Variants in DMBT1 observed in about 807,000 individuals in gnomAD.
DMBT1 encodes scavenger receptor cysteine-rich domain-containing protein DMBT1.
Under a neutral mutation model 252.9 loss-of-function variants are expected in DMBT1, and 198 were observed. That is an observed-to-expected ratio of 0.78 (90% CI 0.70 to 0.88). The LOEUF (loss-of-function observed/expected upper bound fraction) is 0.88, where lower values mean the gene tolerates loss of function less well. DMBT1 is among the 40% of genes least tolerant of loss of function. The probability of loss-of-function intolerance (pLI) is 0.00; values close to 1 mark genes in which losing one functional copy is unlikely to be tolerated. For synonymous variants in DMBT1, 990 were observed against 942.7 expected (o/e 1.05, Z -0.92); for missense variants, 2,432 against 2,404.7 (o/e 1.01, Z -0.24).
chr10:122,567,851 T>C (rs919397796), intron 2 of DMBT1, among the ~76,000 whole-genome samples: 2 of 152,200 alleles, frequency 1.3e-5, no homozygotes, highest in East Asian at 3.9e-4. Context: ...CTGATGGGAC[T>C]GGAGAGTGTA....
intron 42 of DMBT1, 146 bp from the exon 43 acceptor site, chr10:122,620,107 G>C: frequency 1.2e-6 from 1 of 812,296 alleles, no homozygotes; most frequent in Non-Finnish European, 2.1e-6. Context: ...TGCTCACTGA[G>C]CTGAAGACTT....
At chr10:122,641,851 A>T (rs1482710806) in intron 55 of DMBT1, among the ~76,000 whole-genome samples, 5 of 152,146 alleles carry the variant, frequency 3.3e-5, no homozygotes, top group Non-Finnish European at 7.4e-5. Flanking sequence ...CATCAACAAG[A>T]TCATCCACCT....
intron 6 of DMBT1, among the ~76,000 whole-genome samples, chr10:122,574,666 G>A (rs2097696125): frequency 6.6e-6 from 1 of 152,198 alleles, no homozygotes; most frequent in Non-Finnish European, 1.5e-5. Flanking sequence ...CTTATTTGCA[G>A]CAGCTATAAG....
chr10:122,625,060 C>A (rs887791785), intron 44 of DMBT1, among the ~76,000 whole-genome samples: 1 of 152,182 alleles, frequency 6.6e-6, no homozygotes, highest in African/African-American at 2.4e-5. Flanking sequence ...GTTCCTATAG[C>A]AAACAAGGGT....
intron 26 of DMBT1, 40 bp from the exon 27 acceptor site, chr10:122,600,024 G>C (rs1366405093): frequency 6.2e-7 from 1 of 1,607,312 alleles, no homozygotes; most frequent in African/African-American, 1.4e-5. Context: ...CGACTTCTGT[G>C]TAATGTTCCT....
chr10:122,630,097 T>A, intron 47 of DMBT1, 104 bp downstream of exon 47: 3 of 1,512,062 alleles, frequency 2.0e-6, no homozygotes, highest in South Asian at 2.5e-5. Context: ...TCATGTGCCA[T>A]GGACAAGCTT....
chr10:122,570,883 C>G lies in DMBT1; in HGVS notation c.140-7C>G, dbSNP rs765418970. 5.6e-6 allele frequency: 9 copies of G among 1,613,234 alleles called. No individual in the cohort carries two copies. The highest frequency in any genetic ancestry group is 4.2e-6 in the Non-Finnish European group (5 of 1,179,200). The stretch of plus-strand genomic sequence containing the variant: ...ATCAATGAGCTCTTCCTTTCTCCAC[C>G]CTGCAGGTTCTCCATTTCCCTCGGA... On this transcript the variant is annotated splice_region_variant and splice_polypyrimidine_tract_variant and intron_variant, in intron 3 of 55. Transcript: ENST00000338354.
At chr10:122,599,985 C>T in intron 26 of DMBT1, 79 bp from the exon 27 acceptor site, 2 of 1,564,242 alleles carry the variant, frequency 1.3e-6, no homozygotes, top group Non-Finnish European at 1.8e-6. Context: ...CAGACTCGCC[C>T]ATTTCTTTCC....
At chr10:122,587,234 G>A (rs761301674) in intron 16 of DMBT1, among the ~76,000 whole-genome samples, 4 of 148,466 alleles carry the variant, frequency 2.7e-5, no homozygotes, top group African/African-American at 7.3e-5. Flanking sequence ...AGGGAGGGAC[G>A]GTCTGACTGG....
intron 50 of DMBT1, among the ~76,000 whole-genome samples, chr10:122,632,549 A>AC (rs1277065110): frequency 6.6e-6 from 1 of 151,604 alleles, no homozygotes; most frequent in Non-Finnish European, 1.5e-5. Flanking sequence ...TGCCTGGGAC[A>AC]CCCCGTTTCT....
At chr10:122,568,817 G>A (rs769763793) in intron 2 of DMBT1, among the ~76,000 whole-genome samples, 3 of 152,194 alleles carry the variant, frequency 2.0e-5, no homozygotes, top group Non-Finnish European at 4.4e-5. Flanking sequence ...CATTGCTTGG[G>A]AAGGGAGTCC....
intron 24 of DMBT1, among the ~76,000 whole-genome samples, chr10:122,597,449 C>T (rs3980999): frequency 0.022 from 3,316 of 151,662 alleles, 142 homozygotes; most frequent in African/African-American, 0.074. Flanking sequence ...GCTGCCGCCA[C>T]AGGCAAGCAA....
At chr10:122,636,298 C>A (rs55888207) in intron 53 of DMBT1, 99 bp downstream of exon 53, 146 of 1,137,948 alleles carry the variant, frequency 1.3e-4, no homozygotes, top group Non-Finnish European at 1.3e-4. Flanking sequence ...AATGAAGGAA[C>A]CCTTTCAGGT....
At chr10:122,625,060 C>G (rs887791785) in intron 44 of DMBT1, among the ~76,000 whole-genome samples, 2 of 152,182 alleles carry the variant, frequency 1.3e-5, no homozygotes, top group African/African-American at 4.8e-5. Context: ...GTTCCTATAG[C>G]AAACAAGGGT....
chr10:122,587,590 G>A (rs1351002662), intron 16 of DMBT1, among the ~76,000 whole-genome samples: 1 of 148,270 alleles, frequency 6.7e-6, no homozygotes, highest in South Asian at 2.3e-4. Context: ...GCTAAGATGT[G>A]CAAGGGAGTG....
chr10:122,640,148 C>T lies in DMBT1; in HGVS notation c.7051C>T (p.Gln2351Ter). The part of the protein sequence containing the change: ...LRIHVSCRML[Q>*]NTWVDTMYIA... ...TATTCACGTCAGCTGCAGAATGCTTCAGAACACCTGGGTCGACACCATGTA... is the reference window on the plus strand; with the variant it reads ...TATTCACGTCAGCTGCAGAATGCTTTAGAACACCTGGGTCGACACCATGTA... The change falls in exon 55 of 56, where the codon CAG becomes TAG. Residue 2351 changes from glutamine (Q) to a stop codon, truncating the protein, a stop_gained. Transcript: ENST00000338354. LOFTEE classifies it high-confidence loss of function. 1.2e-6 allele frequency: 2 copies of T among 1,614,074 alleles called. No homozygotes were observed. The highest frequency in any genetic ancestry group is 1.7e-6 in the Non-Finnish European group (2 of 1,179,904).
In DMBT1 at chr10:122,579,651, C is replaced by T. The variant is rs201642351; in HGVS notation, c.753C>T (p.Tyr251=). The change falls in exon 10 of 56, where the codon TAC becomes TAT. Residue 251 remains tyrosine, a synonymous_variant. Transcript: ENST00000338354. ...GTCGAGGCCGAGTGGAGGTCCTATA[C>T]CGAGGCTCCTGGGGCACCGTGTGTG... ...DRCRGRVEVL[Y]RGSWGTVCDD... The T allele has an allele frequency of 5.4e-5, 87 of 1,613,746 alleles. No homozygotes were observed. In the African/African-American group the frequency reaches 1.0e-3, roughly 19 times the overall value.
At chr10:122,580,175 C>T (rs575332868) in intron 10 of DMBT1, among the ~76,000 whole-genome samples, 4 of 152,180 alleles carry the variant, frequency 2.6e-5, no homozygotes, top group African/African-American at 9.7e-5. Flanking sequence ...CTCCCCAGGG[C>T]TCCATTTCTC....
rs891360739 is a variant in DMBT1 at position 122,599,039 on chromosome 10, C to G, written c.3222C>G (p.His1074Gln). The G allele has an allele frequency of 1.9e-6, 3 of 1,613,816 alleles. No individual in the cohort carries two copies. The highest frequency in any genetic ancestry group is 2.5e-6 in the Non-Finnish European group (3 of 1,179,740). ...AGTCTTACCTGTGGAGCTGCCCCCACAATGGCTGGCTCTCCCACAACTGTG... is the reference window on the plus strand; with the variant it reads ...AGTCTTACCTGTGGAGCTGCCCCCAGAATGGCTGGCTCTCCCACAACTGTG... ...GHESYLWSCP[H>Q]NGWLSHNCGH... is the part of the protein sequence containing the mutation. Residue 1074 changes from histidine to glutamine, a missense_variant, in exon 26 of 56, where the codon CAC (histidine) becomes CAG (glutamine). Transcript: ENST00000338354.
Sources: allele counts gnomAD v4.1 joint callset (sites outside exome capture counted in the v4.1 genomes callset), GRCh38; gene constraint gnomAD v4.1.1; transcripts MANE v1.5; gene names NCBI Gene and HGNC (gene_info 2026-07-23, HGNC 2026-07-21).